STAG1: variants seen among roughly 807,000 people sequenced by gnomAD.
STAG1 encodes the protein cohesin subunit SA-1.
In STAG1, 26 loss-of-function variants were observed where a neutral mutation model predicts 170.9. That is an observed-to-expected ratio of 0.15 (90% CI 0.11 to 0.21). STAG1 has a LOEUF of 0.21. Ranked by LOEUF, STAG1 falls within the 10% of genes least tolerant of loss-of-function variation. STAG1 has a pLI of 1.00. For synonymous variants in STAG1, 514 were observed against 497.7 expected, an observed-to-expected ratio of 1.03 and a Z score of -0.44; for missense variants, 964 against 1,509.5, an observed-to-expected ratio of 0.64 and a Z score of 5.99.
intron 26 of STAG1, 55 bp downstream of exon 26, chr3:136,363,311 A>T: frequency 1.1e-6 from 1 of 912,744 alleles, no homozygotes; most frequent in South Asian, 1.4e-5. Flanking sequence ...TTAAGCACAG[A>T]GAAGTGCAAT....
intron 1 of STAG1, among the ~76,000 whole-genome samples, chr3:136,654,948 C>G (rs1941328038): frequency 6.6e-6 from 1 of 152,114 alleles, no homozygotes; most frequent in South Asian, 2.1e-4. Flanking sequence ...TAGCCACATG[C>G]AAATTTGGAC....
chr3:136,737,754 T>C lies in STAG1; in HGVS notation c.-84+14441A>G, dbSNP rs568342993. On this transcript the variant is annotated intron_variant, in intron 1 of 33. Coordinates refer to ENST00000383202, the MANE Select transcript of STAG1 (RefSeq NM_005862.3). Reference sequence around the variant, plus strand: ...GAGCTAACATTCCAGAGGGAAGAAATAGACAATAAATGAGCACTTTAAAAA... The same window carrying C: ...GAGCTAACATTCCAGAGGGAAGAAACAGACAATAAATGAGCACTTTAAAAA... Among the ~76,000 whole-genome samples the C allele has an allele frequency of 1.6e-4, 25 of 152,122 alleles. No homozygotes were observed. The South Asian group carries it at 2.3e-3, about 14-fold the overall frequency.
chr3:136,585,831 C>T (rs1330243235), intron 4 of STAG1, among the ~76,000 whole-genome samples: 1 of 152,126 alleles, frequency 6.6e-6, no homozygotes, highest in Non-Finnish European at 1.5e-5. Context: ...TATCAACATA[C>T]ATTCAGTTTT....
intron 3 of STAG1, among the ~76,000 whole-genome samples, chr3:136,622,796 G>GC (rs1407709194): frequency 1.3e-5 from 2 of 152,114 alleles, no homozygotes; most frequent in Admixed American, 1.3e-4. Flanking sequence ...TCTGAGACTG[G>GC]CCCCAAACTC....
intron 1 of STAG1, among the ~76,000 whole-genome samples, chr3:136,676,815 T>C (rs1228604626): frequency 6.6e-6 from 1 of 152,020 alleles, no homozygotes; most frequent in Non-Finnish European, 1.5e-5. Flanking sequence ...TCTTAGACTT[T>C]TTTTATTTTT....
At chr3:136,532,824 A>ATC (rs1935444207) in intron 6 of STAG1, among the ~76,000 whole-genome samples, 2 of 152,218 alleles carry the variant, frequency 1.3e-5, no homozygotes, top group Non-Finnish European at 1.5e-5. Context: ...CTGAATGGGG[A>ATC]AAAGTTCAAA....
intron 6 of STAG1, among the ~76,000 whole-genome samples, chr3:136,531,402 A>G (rs1397299053): frequency 6.6e-6 from 1 of 151,166 alleles, no homozygotes; most frequent in Admixed American, 6.6e-5. Flanking sequence ...CAGCCATCCC[A>G]TTACTGGGTA....
chr3:136,558,199 C>CT (rs1936700325), intron 5 of STAG1, among the ~76,000 whole-genome samples: 1 of 152,104 alleles, frequency 6.6e-6, no homozygotes, highest in African/African-American at 2.4e-5. Context: ...TGAGACCGGC[C>CT]TGGCCAACAG....
At chr3:136,406,281 C>G (rs1267066305) in intron 21 of STAG1, among the ~76,000 whole-genome samples, 1 of 152,104 alleles carries the variant, frequency 6.6e-6, no homozygotes, top group Non-Finnish European at 1.5e-5. Flanking sequence ...ATATTATGCT[C>G]AGTGAAAGAC....
chr3:136,674,157 GGGAGGGAGGGAGGGAA>G (rs1239829715), intron 1 of STAG1, among the ~76,000 whole-genome samples: 1 of 33,002 alleles, frequency 3.0e-5, no homozygotes, highest in Non-Finnish European at 7.4e-5. Flanking sequence ...GAGGGAGAGA[GGGAGGGAGGGAGGGAA>G]GGAGGGAGGG....
rs1220917679 is a variant in STAG1, at chr3:136,369,205, A to T, written c.2448T>A (p.Pro816=). The part of the protein sequence containing the change: ...LMTGGREGLQ[P]LVFNPDTGLQ... ...GTCCAGTATCTGGATTGAACACCAAAGGCTGAAGGCCCTCTCTGCCACCTG... is the reference window on the plus strand; with the variant it reads ...GTCCAGTATCTGGATTGAACACCAATGGCTGAAGGCCCTCTCTGCCACCTG... Residue 816 remains proline (P), a synonymous_variant, in exon 24 of 34, where the codon CCT becomes CCA. Coordinates refer to ENST00000383202, the MANE Select transcript of STAG1 (RefSeq NM_005862.3). 1.9e-6 allele frequency: 3 copies of T among 1,605,634 alleles called. No individual in the cohort carries two copies. Among genetic ancestry groups the T allele is most frequent in the African/African-American group, 1.3e-5 (1 of 74,330 alleles).
At chr3:136,518,517 G>A in intron 7 of STAG1, 1 of 633,322 alleles carries the variant, frequency 1.6e-6, no homozygotes, top group South Asian at 1.8e-5. Flanking sequence ...TCCTTGAAAA[G>A]AGGGATAATT....
intron 7 of STAG1, among the ~76,000 whole-genome samples, chr3:136,512,106 A>AT (rs1934097054): frequency 1.3e-5 from 2 of 150,264 alleles, no homozygotes; most frequent in Admixed American, 1.3e-4. Flanking sequence ...TAAAAAAAAA[A>AT]AAAAAAAAAA....
chr3:136,377,601 A>T, intron 23 of STAG1, 59 bp downstream of exon 23: 1 of 1,383,788 alleles, frequency 7.2e-7, no homozygotes, highest in Non-Finnish European at 1.0e-6. Flanking sequence ...GTATCTTCTT[A>T]ATGTTCATTA....
At chr3:136,517,577 CAAGA>C (rs1297360499) in intron 7 of STAG1, among the ~76,000 whole-genome samples, 1 of 151,838 alleles carries the variant, frequency 6.6e-6, no homozygotes, top group African/African-American at 2.4e-5. Flanking sequence ...TAATACCAAA[CAAGA>C]AAGTGGTAAA....
chr3:136,384,553 G>C (rs1412894488), intron 22 of STAG1, among the ~76,000 whole-genome samples: 1 of 151,818 alleles, frequency 6.6e-6, no homozygotes, highest in Non-Finnish European at 1.5e-5. Flanking sequence ...TGGATCACTT[G>C]AGGTCAAGAG....
rs139212808 is a variant in STAG1, at chr3:136,633,783, C to T, written c.-83-2802G>A. On this transcript the variant is annotated intron_variant, in intron 1 of 33. Coordinates refer to ENST00000383202, the MANE Select transcript of STAG1 (RefSeq NM_005862.3). ...GGATCACTGGTGGGGGCCAGGAGTT[C>T]GAGACCAGCCCAGGCAGAATATATA... Among the ~76,000 whole-genome samples the T allele has an allele frequency of 5.9e-3, 858 of 144,470 alleles. 9 individuals are homozygous for T. Among genetic ancestry groups the T allele is most frequent in the African/African-American group, 0.021 (839 of 39,150 alleles). The allele number at this position is 144,470 out of a possible 152,430, so 94.8% of individuals were successfully genotyped here.
intron 32 of STAG1, 137 bp from the exon 33 acceptor site, chr3:136,338,587 CT>C: frequency 1.5e-6 from 1 of 649,544 alleles, no homozygotes; most frequent in Non-Finnish European, 2.7e-6. Context: ...AGAAGAGAAT[CT>C]GGCTTTTATA....
chr3:136,731,474 C>T (rs1415810495), intron 1 of STAG1, among the ~76,000 whole-genome samples: 2 of 152,228 alleles, frequency 1.3e-5, no homozygotes, highest in East Asian at 3.9e-4. Flanking sequence ...ACCAATTCTA[C>T]AACCATTCAT....
Sources: allele counts gnomAD v4.1 joint callset (sites outside exome capture counted in the v4.1 genomes callset), GRCh38; gene constraint gnomAD v4.1.1; transcripts MANE v1.5; gene names NCBI Gene and HGNC (gene_info 2026-07-23, HGNC 2026-07-21).